The following NKAIN2 variants were observed in gnomAD, a reference collection of about 807,000 sequenced individuals.
NKAIN2 encodes the protein sodium/potassium-transporting ATPase subunit beta-1-interacting protein 2.
A neutral mutation model predicts 32.6 loss-of-function variants in NKAIN2; 14 were observed. The observed-to-expected ratio is 0.43, with a 90% CI of 0.28 to 0.67. NKAIN2 has a LOEUF of 0.67. Ranked by LOEUF, NKAIN2 falls within the 30% of genes least tolerant of loss-of-function variation. The probability of loss-of-function intolerance (pLI) is 0.17; values close to 1 mark genes in which losing one functional copy is unlikely to be tolerated. For synonymous variants in NKAIN2, 80 were observed against 87.2 expected (o/e 0.92, Z 0.46); for missense variants, 198 against 258.3 (o/e 0.77, Z 1.60).
At chr6:124,398,936 A>G (rs1773513047) in intron 3 of NKAIN2, among the ~76,000 whole-genome samples, 1 of 152,072 alleles carries the variant, frequency 6.6e-6, no homozygotes. Flanking sequence ...GATTTTATTT[A>G]TTTATTTAGA....
chr6:124,536,672 G>C (rs1299388252), intron 3 of NKAIN2, among the ~76,000 whole-genome samples: 1 of 152,154 alleles, frequency 6.6e-6, no homozygotes, highest in African/African-American at 2.4e-5. Context: ...TCAAGGGCTA[G>C]AGGCTGCTAG....
intron 3 of NKAIN2, among the ~76,000 whole-genome samples, chr6:124,552,427 C>T (rs991637966): frequency 2.6e-5 from 4 of 152,184 alleles, no homozygotes; most frequent in South Asian, 4.1e-4. Context: ...CAGCTCATAT[C>T]CTTTATAATC....
At chr6:123,980,023 G>C (rs1455322487) in intron 1 of NKAIN2, among the ~76,000 whole-genome samples, 2 of 152,162 alleles carry the variant, frequency 1.3e-5, no homozygotes, top group East Asian at 1.9e-4. Context: ...GGTTTAATTA[G>C]TTTGTGAACA....
chr6:124,748,329 GAAT>G (rs1554260499), intron 4 of NKAIN2, among the ~76,000 whole-genome samples: 1 of 151,922 alleles, frequency 6.6e-6, no homozygotes, highest in Non-Finnish European at 1.5e-5. Flanking sequence ...AGTATTTATT[GAAT>G]GAATAAGTCA....
At chr6:124,569,741 A>G (rs9491193) in intron 3 of NKAIN2, among the ~76,000 whole-genome samples, 19,600 of 152,180 alleles carry the variant, frequency 0.13, 1,652 homozygotes, top group African/African-American at 0.24. Context: ...TCCCAGTATC[A>G]GGTATGTCTT....
At chr6:124,541,245 C>A (rs1292362115) in intron 3 of NKAIN2, among the ~76,000 whole-genome samples, 1 of 152,092 alleles carries the variant, frequency 6.6e-6, no homozygotes, top group Admixed American at 6.5e-5. Context: ...GGGAACTGTG[C>A]AATATTTTAG....
intron 1 of NKAIN2, among the ~76,000 whole-genome samples, chr6:124,119,576 A>G (rs913264957): frequency 6.6e-6 from 1 of 152,216 alleles, no homozygotes; most frequent in African/African-American, 2.4e-5. Flanking sequence ...ATGGGACTGT[A>G]TCTAACTCAC....
At chr6:124,493,952 T>C (rs1777970645) in intron 3 of NKAIN2, among the ~76,000 whole-genome samples, 1 of 152,006 alleles carries the variant, frequency 6.6e-6, no homozygotes, top group Admixed American at 6.6e-5. Context: ...CCCATTTCTA[T>C]AATTTTTCTC....
At chr6:123,851,524 T>G (rs1775348106) in intron 1 of NKAIN2, among the ~76,000 whole-genome samples, 1 of 152,162 alleles carries the variant, frequency 6.6e-6, no homozygotes, top group African/African-American at 2.4e-5. Flanking sequence ...GTGTTGAGAT[T>G]ACAGTTATGA....
At chr6:124,202,956 CATT>C (rs1402915201) in intron 1 of NKAIN2, among the ~76,000 whole-genome samples, 2 of 151,858 alleles carry the variant, frequency 1.3e-5, no homozygotes, top group Non-Finnish European at 2.9e-5. Flanking sequence ...TTTAGCACAA[CATT>C]ATAGGCATGT....
chr6:124,543,974 C>A lies in NKAIN2; in HGVS notation c.274-114212C>A, dbSNP rs952772406. On this transcript the variant is annotated intron_variant, in intron 3 of 6. Transcript: ENST00000368417. ...GCCTGTTTCCCACTGTTTGTCAGGA[C>A]AAAACTTGTTCATCAAGGAGCAGAT... Among the ~76,000 whole-genome samples the A allele has an allele frequency of 6.6e-5, 10 of 152,212 alleles. 1 individual carries two copies. The highest frequency in any genetic ancestry group is 2.6e-4 in the Admixed American group (4 of 15,288).
intron 2 of NKAIN2, among the ~76,000 whole-genome samples, chr6:124,352,333 C>A (rs1052844610): frequency 1.3e-5 from 2 of 151,966 alleles, no homozygotes; most frequent in South Asian, 2.1e-4. Context: ...ATGTAAGTAA[C>A]TAAGTATAAA....
intron 3 of NKAIN2, among the ~76,000 whole-genome samples, chr6:124,543,942 TG>T (rs1284861171): frequency 1.3e-5 from 2 of 152,210 alleles, no homozygotes; most frequent in African/African-American, 2.4e-5. Context: ...CTATTACATT[TG>T]AATCAGCCTG....
At chr6:123,807,109 A>T (rs1346087779) in intron 1 of NKAIN2, among the ~76,000 whole-genome samples, 1 of 152,082 alleles carries the variant, frequency 6.6e-6, no homozygotes, top group Non-Finnish European at 1.5e-5. Context: ...AGTTAAATAT[A>T]CATTTAATTT....
chr6:124,026,646 C>T (rs1303810271), intron 1 of NKAIN2, among the ~76,000 whole-genome samples: 1 of 152,192 alleles, frequency 6.6e-6, no homozygotes, highest in Admixed American at 6.5e-5. Flanking sequence ...CTGAACTATG[C>T]AGGCATCACA....
At chr6:124,288,040 A>G (rs150353988) in intron 2 of NKAIN2, among the ~76,000 whole-genome samples, 1 of 152,208 alleles carries the variant, frequency 6.6e-6, no homozygotes, top group Non-Finnish European at 1.5e-5. Context: ...AAAATAGCTG[A>G]AAATCTATTA....
chr6:124,243,339 A>G (rs1207656576), intron 1 of NKAIN2, among the ~76,000 whole-genome samples: 1 of 151,982 alleles, frequency 6.6e-6, no homozygotes, highest in Non-Finnish European at 1.5e-5. Flanking sequence ...TACTAAAAAC[A>G]CAAAAGTTAG....
At chr6:124,162,265 A>T (rs897790349) in intron 1 of NKAIN2, among the ~76,000 whole-genome samples, 1 of 152,126 alleles carries the variant, frequency 6.6e-6, no homozygotes, top group Non-Finnish European at 1.5e-5. Flanking sequence ...TATGCGCTCC[A>T]TAGGAATAAG....
chr6:124,685,806 TTCA>T (rs1773844936), intron 4 of NKAIN2, among the ~76,000 whole-genome samples: 1 of 152,204 alleles, frequency 6.6e-6, no homozygotes, highest in Non-Finnish European at 1.5e-5. Flanking sequence ...TCACCATATC[TTCA>T]TGTCTGTATT....
Sources: gnomAD v4.1 joint callset for allele counts (sites outside exome capture counted in the v4.1 genomes callset) on GRCh38, gnomAD v4.1.1 for gene constraint, MANE v1.5 for transcripts, NCBI Gene and HGNC (gene_info 2026-07-23, HGNC 2026-07-21) for gene names.